The following NDE1 variants were observed in gnomAD, a reference collection of about 807,000 sequenced individuals.
The protein encoded by NDE1 is nudE neurodevelopment protein 1, also known as nuclear distribution protein nudE homolog 1.
Under a neutral mutation model 43.4 loss-of-function variants are expected in NDE1, and 28 were observed. The observed-to-expected ratio is 0.65, with a 90% CI of 0.48 to 0.89. The LOEUF (loss-of-function observed/expected upper bound fraction) is 0.89. NDE1 is among the 40% of genes least tolerant of loss of function. The pLI, the probability that NDE1 is intolerant of heterozygous loss-of-function variation, is 0.00. For missense variants in NDE1, 441 were observed against 434.1 expected (o/e 1.02, Z -0.14); for synonymous variants, 184 against 172.0 (o/e 1.07, Z -0.55).
intron 1 of NDE1, among the ~76,000 whole-genome samples, chr16:15,663,352 G>A (rs1036658768): frequency 3.6e-4 from 54 of 150,882 alleles, no homozygotes; most frequent in African/African-American, 1.3e-3. Flanking sequence ...TGATTCTACC[G>A]CCTCAGTCTC....
At chr16:15,655,783 G>A (rs1199916496) in intron 1 of NDE1, among the ~76,000 whole-genome samples, 2 of 151,884 alleles carry the variant, frequency 1.3e-5, no homozygotes, top group Non-Finnish European at 2.9e-5. Flanking sequence ...TATACACCAT[G>A]GAATACTATG....
intron 5 of NDE1, among the ~76,000 whole-genome samples, chr16:15,690,357 T>TC (rs1218524859): frequency 0.091 from 8,277 of 90,748 alleles, 229 homozygotes; most frequent in African/African-American, 0.21. Flanking sequence ...TTTTTTCTTT[T>TC]TTTTTTTTTT....
intron 1 of NDE1, among the ~76,000 whole-genome samples, chr16:15,654,991 A>G (rs2036689073): frequency 6.6e-6 from 1 of 151,930 alleles, no homozygotes; most frequent in African/African-American, 2.4e-5. Flanking sequence ...AGAGTACTGC[A>G]ATAGAACTTT....
chr16:15,662,519 A>G lies in NDE1; in HGVS notation c.-43-2217A>G, dbSNP rs557181703. Among the ~76,000 whole-genome samples, 4 of 146,476 alleles carry G rather than the reference A, an allele frequency of 2.7e-5. No homozygotes were observed. The South Asian group carries it at 8.7e-4, about 32-fold the overall frequency. On this transcript the variant is annotated intron_variant, in intron 1 of 8. Coordinates refer to ENST00000396354, the MANE Select transcript of NDE1 (RefSeq NM_017668.3). Reference sequence around the variant, plus strand: ...AGGATGGTCTCAATCTCCTGACCTCATGATCCGCCTGCCTCGGCCTCCCAA... The same window carrying G: ...AGGATGGTCTCAATCTCCTGACCTCGTGATCCGCCTGCCTCGGCCTCCCAA...
At chr16:15,695,838 G>A in intron 7 of NDE1, 2 of 423,302 alleles carry the variant, frequency 4.7e-6, no homozygotes, top group Middle Eastern at 1.2e-3. Flanking sequence ...TGCTGTCAGT[G>A]TCCTTTTGGT....
At chr16:15,671,878 GA>G (rs979442145) in intron 3 of NDE1, among the ~76,000 whole-genome samples, 1 of 151,912 alleles carries the variant, frequency 6.6e-6, no homozygotes, top group African/African-American at 2.4e-5. Context: ...ATTTTTTGTA[GA>G]GACGGGTTCA....
intron 8 of NDE1, among the ~76,000 whole-genome samples, chr16:15,722,775 C>T (rs1000129877): frequency 3.7e-4 from 56 of 152,192 alleles, no homozygotes; most frequent in African/African-American, 1.3e-3. Context: ...GGTTTTCACT[C>T]CATCACTCAG....
At position 15,724,345 on chromosome 16, in the gene NDE1, T is replaced by C; in HGVS notation, c.*94T>C. 6.2e-7 allele frequency: 1 copy of C among 1,614,142 alleles called. No homozygotes were observed. Among genetic ancestry groups the C allele is most frequent in the South Asian group, 1.1e-5 (1 of 91,080 alleles). On this transcript the variant is annotated 3_prime_UTR_variant, in exon 9 of 9. Transcript: ENST00000396354. ...CTCGATCTCCTTCTGGAACCTCTTCTTCCCCTCTTCCAGAGCTTCCACGGT... is the reference window on the plus strand; with the variant it reads ...CTCGATCTCCTTCTGGAACCTCTTCCTCCCCTCTTCCAGAGCTTCCACGGT...
chr16:15,667,138 C>T (rs887378692), intron 2 of NDE1, 148 bp from the exon 3 acceptor site: 68 of 902,596 alleles, frequency 7.5e-5, no homozygotes, highest in Admixed American at 5.4e-4. Context: ...CCCAGCTACT[C>T]GGGAGACTGA....
intron 8 of NDE1, among the ~76,000 whole-genome samples, chr16:15,707,954 C>T (rs1231720659): frequency 7.0e-5 from 7 of 100,536 alleles, no homozygotes; most frequent in Non-Finnish European, 9.9e-5. Context: ...AGCGAGACTC[C>T]GTCTCAAAAA....
intron 7 of NDE1, chr16:15,694,853 A>G (rs2038934325): frequency 1.0e-6 from 1 of 985,222 alleles, no homozygotes; most frequent in Non-Finnish European, 1.2e-6. Flanking sequence ...TTTTTTCCTT[A>G]ACTCGAAAAA....
upstream of NDE1, among the ~76,000 whole-genome samples, chr16:15,647,992 C>G (rs1401233138): frequency 6.8e-6 from 1 of 147,754 alleles, no homozygotes; most frequent in Non-Finnish European, 1.5e-5. Flanking sequence ...TTGATTATGC[C>G]ACTGCACTCC....
chr16:15,688,624 CT>C (rs2038561327), intron 5 of NDE1, among the ~76,000 whole-genome samples: 1 of 115,020 alleles, frequency 8.7e-6, no homozygotes, highest in African/African-American at 3.7e-5. Flanking sequence ...CAGAGTGAGA[CT>C]CTTGTCTCAA....
intron 1 of NDE1, chr16:15,643,964 T>C (rs1179626628): frequency 6.6e-6 from 1 of 152,142 alleles, no homozygotes; most frequent in Non-Finnish European, 1.5e-5. Flanking sequence ...GGTGGCCAGA[T>C]ATGCTGTGTG....
intron 8 of NDE1, among the ~76,000 whole-genome samples, chr16:15,704,614 A>C (rs577410821): frequency 6.6e-6 from 1 of 152,110 alleles, no homozygotes; most frequent in Non-Finnish European, 1.5e-5. Context: ...TCAAGATTTG[A>C]ATTGGAAGAA....
rs1391587565 is a variant in NDE1, at chr16:15,724,812, T to G, written c.*561T>G. The G allele has an allele frequency of 6.2e-7, 1 of 1,613,724 alleles. No individual in the cohort carries two copies. The highest frequency in any genetic ancestry group is 1.1e-5 in the South Asian group (1 of 91,080). On this transcript the variant is annotated 3_prime_UTR_variant, in exon 9 of 9. Coordinates refer to ENST00000396354, the MANE Select transcript of NDE1 (RefSeq NM_017668.3). ...CTTGAAGCAGCTCCTGCAAAAGGGATGCAAAGAGGTCCCAGGGACCTGCCC... is the reference window on the plus strand; with the variant it reads ...CTTGAAGCAGCTCCTGCAAAAGGGAGGCAAAGAGGTCCCAGGGACCTGCCC...
At chr16:15,674,055 T>C (rs2037738121) in intron 3 of NDE1, among the ~76,000 whole-genome samples, 1 of 152,050 alleles carries the variant, frequency 6.6e-6, no homozygotes, top group Admixed American at 6.6e-5. Context: ...ACATAGGAAG[T>C]GTACTTAGCC....
intron 8 of NDE1, among the ~76,000 whole-genome samples, chr16:15,698,779 T>C (rs564152308): frequency 3.8e-4 from 57 of 151,948 alleles, no homozygotes; most frequent in Admixed American, 3.4e-3. Context: ...AAGAATCACT[T>C]GAACCCAGGA....
intron 8 of NDE1, among the ~76,000 whole-genome samples, chr16:15,705,837 C>T (rs868687459): frequency 2.0e-5 from 3 of 151,690 alleles, no homozygotes; most frequent in African/African-American, 4.9e-5. Context: ...AAAAATTAGC[C>T]GGGCGTGCTG....
Sources: allele counts gnomAD v4.1 joint callset (sites outside exome capture counted in the v4.1 genomes callset), GRCh38; gene constraint gnomAD v4.1.1; transcripts MANE v1.5; gene names NCBI Gene and HGNC (gene_info 2026-07-23, HGNC 2026-07-21).